The following C2 variants were observed in gnomAD, a reference collection of about 807,000 sequenced individuals.
C2 encodes the protein complement C2.
A neutral mutation model predicts 85.2 loss-of-function variants in C2; 64 were observed. The observed-to-expected ratio is 0.75, with a 90% CI of 0.61 to 0.92. The LOEUF is 0.92. C2 is among the 40% of genes least tolerant of loss of function. The pLI, the probability that C2 is intolerant of heterozygous loss-of-function variation, is 0.00. For missense variants in C2, 820 were observed against 971.6 expected (o/e 0.84, Z 2.07); for synonymous variants, 311 against 370.8 (o/e 0.84, Z 1.85).
At chr6:31,898,797 T>C (rs1407637348), upstream of C2, among the ~76,000 whole-genome samples, 1 of 152,120 alleles carries the variant, frequency 6.6e-6, no homozygotes, top group Non-Finnish European at 1.5e-5. Flanking sequence ...ATAGAGTTCA[T>C]GTGCATCCCC....
At position 31,927,968 on chromosome 6, in the gene C2, G is replaced by A. The variant is rs766410942; in HGVS notation, c.60G>A (p.Ser20=). ...CCACGGCTCTAGGTCTGGCAGACTC[G>A]GCTCCCTCCTGCCCTCAGAACGTGA... The part of the protein sequence containing the change: ...LLFLYPGLAD[S]APSCPQNVNI... The change falls in exon 2 of 18, where the codon TCG becomes TCA. Residue 20 remains serine, a synonymous_variant. Transcript: ENST00000299367. The surrounding 1 kb of genome is among the most constrained non-coding windows in gnomAD (Gnocchi z 4.7). The A allele has an allele frequency of 3.0e-5, 48 of 1,613,956 alleles. No individual in the cohort carries two copies. The highest frequency in any genetic ancestry group is 1.6e-4 in the Middle Eastern group (1 of 6,062).
At position 31,935,059 on chromosome 6, in the gene C2, G is replaced by A; in HGVS notation, c.849+760G>A. Reference sequence around the variant, plus strand: ...ATAAAATAAAATATGTGTGATAGAAGTTTGGAAGCCACTGGTTTAAGTTCC... The same window carrying A: ...ATAAAATAAAATATGTGTGATAGAAATTTGGAAGCCACTGGTTTAAGTTCC... On this transcript the variant is annotated intron_variant, in intron 6 of 17. Coordinates refer to ENST00000299367, the MANE Select transcript of C2 (RefSeq NM_000063.6). The surrounding 1 kb of genome is among the most constrained non-coding windows in gnomAD (Gnocchi z 4.3). 1 of 964,460 alleles carries A rather than the reference G, an allele frequency of 1.0e-6. No homozygotes were observed. The highest frequency in any genetic ancestry group is 1.2e-6 in the Non-Finnish European group (1 of 810,928). The allele number at this position is 964,460 out of a possible 1,614,324, so 59.7% of individuals were successfully genotyped here.
At chr6:31,923,877 G>A (rs1769118909), upstream of C2, among the ~76,000 whole-genome samples, 1 of 150,646 alleles carries the variant, frequency 6.6e-6, no homozygotes, top group Non-Finnish European at 1.5e-5. Context: ...TCAGCTCACT[G>A]CAAACTCTGC....
In C2 at chr6:31,904,116, A is replaced by C. The variant is rs1424898729; in HGVS notation, c.73+2977A>C. Among the ~76,000 whole-genome samples, 1 of 151,866 alleles carries C rather than the reference A, an allele frequency of 6.6e-6. No individual in the cohort carries two copies. Among genetic ancestry groups the C allele is most frequent in the Non-Finnish European group, 1.5e-5 (1 of 68,004 alleles). ...TAATTCTCTGAATCACAGTGTCCTT[A>C]TCTTTGTCTCCCCCGCCCATCCTTA... On this transcript the variant is annotated intron_variant, in intron 1 of 3. Coordinates refer to the C2 transcript ENST00000452202. The surrounding 1 kb of genome is among the most constrained non-coding windows in gnomAD (Gnocchi z 4.4).
upstream of C2, chr6:31,899,652 A>G: frequency 2.2e-6 from 1 of 449,212 alleles, no homozygotes; most frequent in East Asian, 3.3e-5. Flanking sequence ...CTCCCTCCAC[A>G]TATACATGCA....
At chr6:31,941,683 G>A (rs1770888238) in intron 9 of C2, 1 of 151,910 alleles carries the variant, frequency 6.6e-6, no homozygotes, top group African/African-American at 2.4e-5. Context: ...TGTATTTTTA[G>A]TAGAGACATG....
In C2 at chr6:31,943,471, C is replaced by A; in HGVS notation, c.1511C>A (p.Thr504Lys). 1 of 1,613,106 alleles carries A rather than the reference C, an allele frequency of 6.2e-7. No homozygotes were observed. Among genetic ancestry groups the A allele is most frequent in the Non-Finnish European group, 8.5e-7 (1 of 1,180,036 alleles). ...GALISDQWVL[T>K]AAHCFRDGND... is the part of the protein sequence containing the mutation. ...CTCATCTCCGACCAATGGGTCCTGA[C>A]AGCAGCTCATTGCTTCCGCGATGGC... Residue 504 changes from threonine to lysine, a missense_variant, in exon 12 of 18, where the codon ACA (threonine) becomes AAA (lysine). By Grantham distance (78) the Thr-to-Lys change is moderately conservative. Transcript: ENST00000299367. The surrounding 1 kb of genome is among the most constrained non-coding windows in gnomAD (Gnocchi z 6.4).
intron 1 of C2, among the ~76,000 whole-genome samples, chr6:31,912,203 C>T (rs759681116): frequency 4.6e-5 from 7 of 152,192 alleles, no homozygotes; most frequent in Non-Finnish European, 7.3e-5. Context: ...TGTTCAGCTT[C>T]CCTGCTAATG....
In C2 at chr6:31,943,163, TGG is replaced by T. The variant is rs1771029404; in HGVS notation, c.1361-60_1361-59del. ...TGAGGAGCCCGCCAGAGGCCCGTGT[TGG>T]GAACCTGGACACAGTGCCCCTCACT... On this transcript the variant is annotated intron_variant, in intron 10 of 17. Coordinates refer to ENST00000299367, the MANE Select transcript of C2 (RefSeq NM_000063.6). The surrounding 1 kb of genome is among the most constrained non-coding windows in gnomAD (Gnocchi z 6.4). 1 of 1,612,266 alleles carries T rather than the reference TGG, an allele frequency of 6.2e-7. No individual in the cohort carries two copies. Among genetic ancestry groups the T allele is most frequent in the Admixed American group, 1.7e-5 (1 of 60,000 alleles).
At chr6:31,927,553 G>A, upstream of C2, 1 of 1,498,654 alleles carries the variant, frequency 6.7e-7, no homozygotes, top group Non-Finnish European at 8.8e-7. This position sits in a 1 kb window ranked among gnomAD's most constrained non-coding sequence, Gnocchi z 4.7. Context: ...GGGAGACAGG[G>A]CAAAGGTTTC....
rs143869308 is a variant in C2, at chr6:31,943,698, C to T, written c.1622C>T (p.Ser541Phe). Residue 541 changes from serine (S) to phenylalanine (F), a missense_variant, in exon 13 of 18, where the codon TCC becomes TTC. By Grantham distance (155) the Ser-to-Phe change is radical. Coordinates refer to ENST00000299367, the MANE Select transcript of C2 (RefSeq NM_000063.6). The surrounding 1 kb of genome is among the most constrained non-coding windows in gnomAD (Gnocchi z 6.4). ...TTCCTTATTGAGAAGGCGGTGATCTCCCCAGGGTTTGATGTCTTTGCCAAA... is the reference window on the plus strand; with the variant it reads ...TTCCTTATTGAGAAGGCGGTGATCTTCCCAGGGTTTGATGTCTTTGCCAAA... The part of the protein sequence containing the change: ...KEFLIEKAVI[S>F]PGFDVFAKKN... The T allele has an allele frequency of 5.0e-6, 8 of 1,612,936 alleles. No homozygotes were observed. The highest frequency in any genetic ancestry group is 2.2e-5 in the East Asian group (1 of 44,902).
chr6:31,943,450 T>C lies in C2; in HGVS notation c.1490T>C (p.Ile497Thr). The change falls in exon 12 of 18, where the codon ATC becomes ACC. Residue 497 changes from isoleucine (I) to threonine (T), a missense_variant. Ile to Thr is a moderately conservative substitution (Grantham distance 89). Transcript: ENST00000299367. This position sits in a 1 kb window ranked among gnomAD's most constrained non-coding sequence, Gnocchi z 6.4. Reference protein sequence around the residue: ...KSQETCRGALISDQWVLTAAH... With the variant: ...KSQETCRGALTSDQWVLTAAH... ...CAAGAGACCTGCCGGGGGGCCCTCA[T>C]CTCCGACCAATGGGTCCTGACAGCA... 6.2e-7 allele frequency: 1 copy of C among 1,613,070 alleles called. No homozygotes were observed. The highest frequency in any genetic ancestry group is 1.1e-5 in the South Asian group (1 of 91,090).
chr6:31,934,759 C>G (rs1178817373), intron 6 of C2: 3 of 974,222 alleles, frequency 3.1e-6, no homozygotes, highest in African/African-American at 3.5e-5. Context: ...CCTGTAATCC[C>G]AACACTTTGG....
At chr6:31,908,239 C>T (rs980285324) in intron 1 of C2, among the ~76,000 whole-genome samples, 2 of 151,556 alleles carry the variant, frequency 1.3e-5, no homozygotes, top group Non-Finnish European at 2.9e-5. Context: ...AGTGATACTC[C>T]TGCCTTGGCC....
chr6:31,929,144 C>T (rs1769519018), intron 3 of C2, among the ~76,000 whole-genome samples: 1 of 152,222 alleles, frequency 6.6e-6, no homozygotes, highest in African/African-American at 2.4e-5. Flanking sequence ...AGCATAAAGC[C>T]TCCACACACT....
chr6:31,901,305 T>C (rs1314226481), intron 1 of C2: 3 of 1,605,378 alleles, frequency 1.9e-6, no homozygotes, highest in Non-Finnish European at 2.6e-6. Context: ...CCAGAGGCCA[T>C]TGTGGCGGGG....
chr6:31,931,019 T>C (rs116197669), intron 3 of C2, among the ~76,000 whole-genome samples: 1 of 152,344 alleles, frequency 6.6e-6, no homozygotes, highest in Non-Finnish European at 1.5e-5. Context: ...ACTAGGTACC[T>C]TGTGCTTACA....
chr6:31,937,206 CAAA>C, intron 7 of C2, 110 bp from the exon 8 acceptor site: 1,007 of 1,022,490 alleles, frequency 9.8e-4, no homozygotes, highest in Admixed American at 5.8e-3. Flanking sequence ...GAGACTCTCT[CAAA>C]AAAAAAAAAA....
At chr6:31,909,924 C>A (rs191758742) in intron 1 of C2, among the ~76,000 whole-genome samples, 1 of 151,346 alleles carries the variant, frequency 6.6e-6, no homozygotes, top group Non-Finnish European at 1.5e-5. Context: ...TCTGTTGCCC[C>A]GGCTAGAGTA....
Sources: gnomAD v4.1 joint callset for allele counts (sites outside exome capture counted in the v4.1 genomes callset) on GRCh38, gnomAD v4.1.1 for gene constraint, Gnocchi (gnomAD v3.1) non-coding constraint, MANE v1.5 for transcripts, NCBI Gene and HGNC (gene_info 2026-07-23, HGNC 2026-07-21) for gene names.